Variants in KCTD14 observed in about 807,000 individuals in gnomAD.
The protein encoded by KCTD14 is BTB/POZ domain-containing protein KCTD14.
A neutral mutation model predicts 5.9 loss-of-function variants in KCTD14; 7 were observed. That is an observed-to-expected ratio of 1.19 (90% CI 0.68 to 2.23). The LOEUF is 2.23. Ranked by LOEUF, KCTD14 falls within the 30% of genes most tolerant of loss-of-function variation. KCTD14 has a pLI of 0.00. For missense variants in KCTD14, 342 were observed against 332.2 expected (o/e 1.03, Z -0.23); for synonymous variants, 140 against 133.1 (o/e 1.05, Z -0.36).
intron 2 of KCTD14, among the ~76,000 whole-genome samples, chr11:78,028,495 C>T (rs183020430): frequency 5.9e-5 from 9 of 151,394 alleles, no homozygotes; most frequent in East Asian, 3.9e-4. Context: ...CCCAGCTACT[C>T]GGGAGGCTGA....
chr11:78,028,861 A>T (rs1398872790), intron 2 of KCTD14, among the ~76,000 whole-genome samples: 2 of 152,068 alleles, frequency 1.3e-5, no homozygotes, highest in African/African-American at 2.4e-5. Flanking sequence ...GGATCACTTG[A>T]TCCTAGGAGG....
In KCTD14 at chr11:78,042,467, C is replaced by T. The variant is rs373536632; in HGVS notation, c.-96+3594G>A. Among the ~76,000 whole-genome samples, 55 of 151,866 alleles carry T rather than the reference C, an allele frequency of 3.6e-4. 1 individual carries two copies. Among genetic ancestry groups the T allele is most frequent in the Non-Finnish European group, 5.2e-4 (35 of 67,958 alleles). Reference sequence around the variant, plus strand: ...AGGTTGCAGTGAGCCAAGATCCCACCGCTACACTGCAGCCTAGGCAACAGA... The same window carrying T: ...AGGTTGCAGTGAGCCAAGATCCCACTGCTACACTGCAGCCTAGGCAACAGA... On this transcript the variant is annotated intron_variant, in intron 1 of 2. Coordinates refer to the KCTD14 transcript ENST00000533144.
chr11:78,025,152 A>C, upstream of KCTD14, among the ~76,000 whole-genome samples: 1 of 127,534 alleles, frequency 7.8e-6, no homozygotes, highest in African/African-American at 3.0e-5. Context: ...ATATATATAT[A>C]TATAAAGGGG....
At chr11:78,042,169 C>T (rs543466449) in intron 1 of KCTD14, among the ~76,000 whole-genome samples, 1 of 152,310 alleles carries the variant, frequency 6.6e-6, no homozygotes, top group East Asian at 1.9e-4. Flanking sequence ...TTGCTCATTC[C>T]TGGGCATATG....
chr11:78,019,029 T>TC (rs1857245206), intron 1 of KCTD14, among the ~76,000 whole-genome samples: 1 of 150,320 alleles, frequency 6.7e-6, no homozygotes, highest in African/African-American at 2.4e-5. Flanking sequence ...TTCTTTTCTT[T>TC]TTTTTTTTTT....
intron 2 of KCTD14, among the ~76,000 whole-genome samples, chr11:78,031,553 ATTT>A (rs1200778318): frequency 7.4e-6 from 1 of 135,434 alleles, no homozygotes; most frequent in Non-Finnish European, 1.6e-5. Context: ...TAATTTTTGT[ATTT>A]TTTTTTTTTT....
intron 1 of KCTD14, 83 bp from the exon 2 acceptor site, chr11:78,017,353 A>T (rs1857196650): frequency 6.8e-7 from 1 of 1,474,278 alleles, no homozygotes. Flanking sequence ...ATAACTGGAT[A>T]AAAAACTTAG....
intron 1 of KCTD14, 154 bp downstream of exon 1, chr11:78,023,006 G>A: frequency 1.7e-6 from 1 of 598,984 alleles, no homozygotes; most frequent in Non-Finnish European, 3.0e-6. Flanking sequence ...AGATTGAAGA[G>A]AGCGACCAGC....
intron 2 of KCTD14, among the ~76,000 whole-genome samples, chr11:78,030,069 C>T (rs890343782): frequency 1.3e-5 from 2 of 152,186 alleles, no homozygotes; most frequent in Admixed American, 6.5e-5. Context: ...CAGGTGTGAG[C>T]CATCGCGCCT....
chr11:78,039,628 A>T (rs957451812), intron 1 of KCTD14, among the ~76,000 whole-genome samples: 8 of 151,578 alleles, frequency 5.3e-5, no homozygotes, highest in African/African-American at 1.9e-4. Context: ...ATAGCTAGGC[A>T]TGTTGATATG....
At chr11:78,021,572 C>G (rs909347339) in intron 1 of KCTD14, among the ~76,000 whole-genome samples, 1 of 151,902 alleles carries the variant, frequency 6.6e-6, no homozygotes, top group African/African-American at 2.4e-5. Context: ...GTGTGTGCCA[C>G]CATGTCCAGC....
chr11:78,041,126 G>A (rs528672327), intron 1 of KCTD14, among the ~76,000 whole-genome samples: 121 of 152,138 alleles, frequency 8.0e-4, no homozygotes, highest in Admixed American at 1.6e-3. Flanking sequence ...TCCATTAGAG[G>A]CTCTATCACC....
rs1857918859 is a variant in KCTD14 at position 78,039,237 on chromosome 11, C to T, written c.-95-479G>A. 2.0e-5 allele frequency among the ~76,000 whole-genome samples: 3 copies of T among 152,032 alleles called. No individual in the cohort carries two copies. The South Asian group carries it at 6.2e-4, about 31-fold the overall frequency. ...CATTTAAAATATTTATTTAACCAGG[C>T]CAGGTGCGGCAGTTCATGCCTGTAA... On this transcript the variant is annotated intron_variant, in intron 1 of 2. Coordinates refer to the KCTD14 transcript ENST00000533144.
At chr11:78,041,674 G>C (rs1240772922) in intron 1 of KCTD14, among the ~76,000 whole-genome samples, 1 of 152,188 alleles carries the variant, frequency 6.6e-6, no homozygotes, top group Non-Finnish European at 1.5e-5. Flanking sequence ...GTCCATGTTT[G>C]TTACGGCTCG....
chr11:78,021,900 C>A (rs905384813), intron 1 of KCTD14, among the ~76,000 whole-genome samples: 2 of 152,210 alleles, frequency 1.3e-5, no homozygotes, highest in African/African-American at 4.8e-5. Flanking sequence ...GCTCCCCACT[C>A]CTCCAATCCA....
Position 78,017,271 on chromosome 11 carries a change from C to T in KCTD14, c.91-1G>A. On this transcript the variant is annotated splice_acceptor_variant, in intron 1 of 1. Coordinates refer to ENST00000353172, the MANE Select transcript of KCTD14 (RefSeq NM_023930.4). LOFTEE classifies it high-confidence loss of function. ...CGTTCAGCTCCACAACAGTAGACAT[C>T]TGGGGGCACAAGAGGCAGAGTAAAC... The T allele has an allele frequency of 6.3e-7, 1 of 1,581,994 alleles. No homozygotes were observed. Among genetic ancestry groups the T allele is most frequent in the Non-Finnish European group, 8.6e-7 (1 of 1,158,796 alleles).
At chr11:78,032,701 TTC>T (rs1857661046) in intron 2 of KCTD14, among the ~76,000 whole-genome samples, 1 of 81,638 alleles carries the variant, frequency 1.2e-5, no homozygotes, top group African/African-American at 6.2e-5. Context: ...AGTGATCTAC[TTC>T]TTTTTTTTTT....
At chr11:78,029,392 A>G (rs1341707251) in intron 2 of KCTD14, among the ~76,000 whole-genome samples, 1 of 152,100 alleles carries the variant, frequency 6.6e-6, no homozygotes, top group African/African-American at 2.4e-5. Flanking sequence ...CACCCTATTT[A>G]CTGCTGTCAC....
rs117924709 is a variant in KCTD14, at chr11:78,016,079, C to T, written c.*514G>A. The T allele has an allele frequency of 6.6e-3, 1,025 of 155,110 alleles. 5 individuals are homozygous for T. The highest frequency in any genetic ancestry group is 0.011 in the Non-Finnish European group (765 of 69,930). 9.6% of individuals were successfully genotyped at this position (155,110 alleles called of 1,614,324 possible). On this transcript the variant is annotated 3_prime_UTR_variant, in exon 2 of 2. Coordinates refer to ENST00000353172, the MANE Select transcript of KCTD14 (RefSeq NM_023930.4). ...AAGTTCACAGGTAATGCTGATGATG[C>T]ACTTTGAAAACCTCCACTCTAGAGA...
Sources: allele counts gnomAD v4.1 joint callset (sites outside exome capture counted in the v4.1 genomes callset), GRCh38; gene constraint gnomAD v4.1.1; transcripts MANE v1.5; gene names NCBI Gene and HGNC (gene_info 2026-07-23, HGNC 2026-07-21).